BCAS3: variants seen among roughly 807,000 people sequenced by gnomAD.
The protein encoded by BCAS3 is BCAS4/BCAS3 fusion.
BCAS3 carries 53 observed loss-of-function variants against 116.1 expected under a neutral mutation model. The observed-to-expected ratio is 0.46, with a 90% confidence interval of 0.37 to 0.57. The LOEUF (loss-of-function observed/expected upper bound fraction) is 0.57, where lower values mean the gene tolerates loss of function less well. Ranked by LOEUF, BCAS3 falls within the 20% of genes least tolerant of loss-of-function variation. The pLI is 0.00. For synonymous variants in BCAS3, 391 were observed against 408.2 expected, an observed-to-expected ratio of 0.96 and a Z score of 0.51; for missense variants, 917 against 1,165.4, an observed-to-expected ratio of 0.79 and a Z score of 3.10.
rs774204470 is a variant in BCAS3 at position 61,208,208 on chromosome 17, T to C, written c.2425+123644T>C. ...CTAGTAACTTCCTATTCCACTTTCC[T>C]GGGCTTGGTATTTTAGTTATTGTAT... On this transcript the variant is annotated intron_variant, in intron 22 of 23. Coordinates refer to ENST00000407086, the MANE Select transcript of BCAS3 (RefSeq NM_017679.5). This position sits in a 1 kb window ranked among gnomAD's most constrained non-coding sequence, Gnocchi z 4.5. 6.6e-6 allele frequency among the ~76,000 whole-genome samples: 1 copy of C among 152,208 alleles called. No homozygotes were observed. The highest frequency in any genetic ancestry group is 1.5e-5 in the Non-Finnish European group (1 of 68,038).
intron 5 of BCAS3, among the ~76,000 whole-genome samples, chr17:60,741,576 A>G (rs2041553659): frequency 2.6e-5 from 4 of 152,178 alleles, no homozygotes; most frequent in Admixed American, 2.6e-4. Context: ...CCATTATAAT[A>G]AAGACTAATT....
chr17:61,109,038 G>A (rs555261991), intron 22 of BCAS3, among the ~76,000 whole-genome samples: 1 of 151,820 alleles, frequency 6.6e-6, no homozygotes, highest in Non-Finnish European at 1.5e-5. Flanking sequence ...ATACAAAAAT[G>A]AGCTGGGCGT....
chr17:60,829,532 T>C (rs1047965574), intron 7 of BCAS3, among the ~76,000 whole-genome samples: 49 of 151,326 alleles, frequency 3.2e-4, no homozygotes, highest in African/African-American at 1.1e-3. Context: ...TTAGATAAAG[T>C]TGGACAGGAC....
intron 6 of BCAS3, among the ~76,000 whole-genome samples, chr17:60,799,454 C>T (rs572120035): frequency 1.3e-4 from 19 of 150,964 alleles, no homozygotes; most frequent in African/African-American, 4.6e-4. Context: ...TTTCTCCATC[C>T]TTATTTTGTC....
In BCAS3 at chr17:61,199,754, C is replaced by A. The variant is rs1194842920; in HGVS notation, c.2425+115190C>A. ...TATGATCTTTGTAAGCGTATTCATG[C>A]CAGGAATGTTGTCCTCAGCAATAGA... is the stretch of plus-strand genomic sequence containing the variant. On this transcript the variant is annotated intron_variant, in intron 22 of 23. Coordinates refer to ENST00000407086, the MANE Select transcript of BCAS3 (RefSeq NM_017679.5). This position sits in a 1 kb window ranked among gnomAD's most constrained non-coding sequence, Gnocchi z 4.6. 6.6e-6 allele frequency among the ~76,000 whole-genome samples: 1 copy of A among 151,702 alleles called. No individual in the cohort carries two copies. The highest frequency in any genetic ancestry group is 1.5e-5 in the Non-Finnish European group (1 of 67,958).
chr17:61,101,358 G>T (rs1024998882), intron 22 of BCAS3, among the ~76,000 whole-genome samples: 2 of 152,100 alleles, frequency 1.3e-5, no homozygotes, highest in African/African-American at 4.8e-5. Context: ...ATAGGCCAAG[G>T]TCATTACCTT....
intron 22 of BCAS3, among the ~76,000 whole-genome samples, chr17:61,119,030 C>T (rs973369058): frequency 9.9e-5 from 15 of 152,280 alleles, no homozygotes; most frequent in African/African-American, 2.9e-4. Context: ...TCTCTAGACA[C>T]AACACTTCAC....
At position 60,830,853 on chromosome 17, in the gene BCAS3, T is replaced by G. The variant is rs550274673; in HGVS notation, c.476+22777T>G. ...AGAGCCAAGATTTAATTTTTGGGTT[T>G]TTTTTTTTTTTTAAATAAACATCCT... On this transcript the variant is annotated intron_variant, in intron 7 of 23. Transcript: ENST00000407086. Among the ~76,000 whole-genome samples, 149 of 147,426 alleles carry G rather than the reference T, an allele frequency of 1.0e-3. 2 individuals are homozygous for G. Among genetic ancestry groups the G allele is most frequent in the African/African-American group, 3.7e-3 (142 of 38,042 alleles).
intron 13 of BCAS3, among the ~76,000 whole-genome samples, chr17:60,939,298 T>A (rs1159829525): frequency 1.3e-5 from 2 of 151,878 alleles, no homozygotes; most frequent in Non-Finnish European, 2.9e-5. Flanking sequence ...CCAGGTGTGG[T>A]GACAAACCCC....
chr17:60,887,341 G>T (rs952571980), intron 9 of BCAS3: 24 of 152,052 alleles, frequency 1.6e-4, no homozygotes, highest in African/African-American at 4.0e-4. Flanking sequence ...ACTGACCTGC[G>T]CCCACTGTCT....
rs1453876072 is a variant in BCAS3 at position 61,134,842 on chromosome 17, GTTTTA to G, written c.2425+50279_2425+50283del. Among the ~76,000 whole-genome samples the G allele has an allele frequency of 6.6e-6, 1 of 151,958 alleles. No homozygotes were observed. The highest frequency in any genetic ancestry group is 1.9e-4 in the East Asian group (1 of 5,190). ...GCCACATCAAAGATCCAAAACACGG[GTTTTA>G]AGATTTCAAATGGTTAATACTCTAC... On this transcript the variant is annotated intron_variant, in intron 22 of 23. Transcript: ENST00000407086. The surrounding 1 kb of genome is among the most constrained non-coding windows in gnomAD (Gnocchi z 4.6).
intron 22 of BCAS3, among the ~76,000 whole-genome samples, chr17:61,331,056 TTTCC>T (rs2056237983): frequency 6.6e-6 from 1 of 152,218 alleles, no homozygotes; most frequent in African/African-American, 2.4e-5. Context: ...CTATAGGTGC[TTTCC>T]GTAGGGGTGA....
chr17:61,268,530 A>G (rs2049956229), intron 22 of BCAS3, among the ~76,000 whole-genome samples: 1 of 152,152 alleles, frequency 6.6e-6, no homozygotes, highest in African/African-American at 2.4e-5. Flanking sequence ...CTGAAACTCT[A>G]TACCCATTAA....
chr17:60,805,979 C>A (rs1285074596), intron 6 of BCAS3, among the ~76,000 whole-genome samples: 4 of 151,166 alleles, frequency 2.6e-5, no homozygotes, highest in Non-Finnish European at 1.5e-5. Flanking sequence ...TCTGCCTCAG[C>A]CTCCCAAGTA....
At chr17:60,759,964 C>G (rs994394603) in intron 6 of BCAS3, among the ~76,000 whole-genome samples, 3 of 152,168 alleles carry the variant, frequency 2.0e-5, no homozygotes, top group Non-Finnish European at 2.9e-5. Context: ...CCATGCCAAG[C>G]CAAAATCTGT....
chr17:61,178,362 C>T (rs896844405), intron 22 of BCAS3, among the ~76,000 whole-genome samples: 3 of 152,148 alleles, frequency 2.0e-5, no homozygotes, highest in Non-Finnish European at 4.4e-5. Context: ...AATTAGGACT[C>T]TCCAGCTGCA....
At chr17:61,384,170 C>T (rs919646032) in intron 23 of BCAS3, among the ~76,000 whole-genome samples, 1 of 152,250 alleles carries the variant, frequency 6.6e-6, no homozygotes, top group African/African-American at 2.4e-5. Flanking sequence ...TCCCCCAAGC[C>T]CACCTGCCAT....
At position 61,088,231 on chromosome 17, in the gene BCAS3, T is replaced by C. The variant is rs1762645784; in HGVS notation, c.2425+3667T>C. 6.6e-6 allele frequency among the ~76,000 whole-genome samples: 1 copy of C among 151,984 alleles called. No homozygotes were observed. Among genetic ancestry groups the C allele is most frequent in the Non-Finnish European group, 1.5e-5 (1 of 67,988 alleles). ...AAACAAAAACCATCCTACCTAAAAT[T>C]TGTGGGGGTTAAATAATTGTAAGAT... On this transcript the variant is annotated intron_variant, in intron 22 of 23. Transcript: ENST00000407086. This position sits in a 1 kb window ranked among gnomAD's most constrained non-coding sequence, Gnocchi z 4.2.
chr17:61,038,747 C>CA (rs2067265509), intron 18 of BCAS3, among the ~76,000 whole-genome samples: 1 of 148,128 alleles, frequency 6.8e-6, no homozygotes. Flanking sequence ...CAGCTCACTG[C>CA]AGCCTCCACC....
Sources: gnomAD v4.1 joint callset for allele counts (sites outside exome capture counted in the v4.1 genomes callset) on GRCh38, gnomAD v4.1.1 for gene constraint, Gnocchi (gnomAD v3.1) non-coding constraint, MANE v1.5 for transcripts, NCBI Gene and HGNC (gene_info 2026-07-23, HGNC 2026-07-21) for gene names.